The following RICTOR variants were observed in gnomAD, a reference collection of about 807,000 sequenced individuals.
The protein encoded by RICTOR is rapamycin-insensitive companion of mTOR.
RICTOR carries 49 observed loss-of-function variants against 214.9 expected under a neutral mutation model. The observed-to-expected ratio is 0.23, with a 90% CI of 0.18 to 0.29. RICTOR has a LOEUF of 0.29. Ranked by LOEUF, RICTOR falls within the 10% of genes least tolerant of loss-of-function variation. RICTOR has a pLI of 1.00. For synonymous variants in RICTOR, 717 were observed against 711.3 expected (o/e 1.01, Z -0.13); for missense variants, 1,625 against 2,047.0 (o/e 0.79, Z 3.98).
rs924826432 is a variant in RICTOR at position 38,940,737 on chromosome 5, C to A, written c.*1567G>T. 1 of 232,548 alleles carries A rather than the reference C, an allele frequency of 4.3e-6. No individual in the cohort carries two copies. The highest frequency in any genetic ancestry group is 8.5e-6 in the Non-Finnish European group (1 of 117,426). The allele number at this position is 232,548 out of a possible 1,614,324, so 14.4% of individuals were successfully genotyped here. A position where few individuals can be genotyped will look rare whatever the true frequency, so the allele number is the denominator to read the frequency against. The stretch of plus-strand genomic sequence containing the variant: ...TATGAAGTGAGATGAAATGCTTCAT[C>A]CCAACTGGAACTTTCAGTTCCAGTA... On this transcript the variant is annotated 3_prime_UTR_variant, in exon 38 of 38. Coordinates refer to ENST00000357387, the MANE Select transcript of RICTOR (RefSeq NM_152756.5).
intron 5 of RICTOR, among the ~76,000 whole-genome samples, chr5:38,998,815 G>A (rs866615796): frequency 7.2e-5 from 11 of 151,876 alleles, no homozygotes; most frequent in African/African-American, 2.4e-5. Flanking sequence ...AGGAGTTCAA[G>A]ACCAGCCTGG....
chr5:39,015,656 T>C (rs1339730587), intron 3 of RICTOR, among the ~76,000 whole-genome samples: 2 of 151,952 alleles, frequency 1.3e-5, no homozygotes, highest in Non-Finnish European at 2.9e-5. Flanking sequence ...AATGCCAGCA[T>C]TGAAGAACCC....
chr5:39,020,034 A>C (rs1171090057), intron 3 of RICTOR, among the ~76,000 whole-genome samples: 3 of 152,170 alleles, frequency 2.0e-5, no homozygotes, highest in Non-Finnish European at 4.4e-5. Context: ...TGTGGAAGAA[A>C]TAGCAAGAGA....
Position 38,941,033 on chromosome 5 carries a change from T to C in RICTOR, c.*1271A>G. 4.3e-6 allele frequency: 1 copy of C among 232,896 alleles called. No individual in the cohort carries two copies. The highest frequency in any genetic ancestry group is 6.1e-5 in the East Asian group (1 of 16,374). The allele number at this position is 232,896 out of a possible 1,614,324, so 14.4% of individuals were successfully genotyped here. ...AAGATAATCCTTTCATTTACAAGCATTCAAATGATGGCCATGCTATTTTTA... is the reference window on the plus strand; with the variant it reads ...AAGATAATCCTTTCATTTACAAGCACTCAAATGATGGCCATGCTATTTTTA... On this transcript the variant is annotated 3_prime_UTR_variant, in exon 38 of 38. Coordinates refer to ENST00000357387, the MANE Select transcript of RICTOR (RefSeq NM_152756.5).
At chr5:39,063,207 C>T (rs1157001163) in intron 2 of RICTOR, among the ~76,000 whole-genome samples, 1 of 152,106 alleles carries the variant, frequency 6.6e-6, no homozygotes, top group African/African-American at 2.4e-5. Context: ...GGAATGCAGA[C>T]ATTTATAGAC....
Position 38,940,752 on chromosome 5 carries a change from C to G in RICTOR, c.*1552G>C, listed in dbSNP as rs1451102310. 1 of 232,256 alleles carries G rather than the reference C, an allele frequency of 4.3e-6. No homozygotes were observed. The highest frequency in any genetic ancestry group is 5.6e-5 in the Admixed American group (1 of 17,748). 14.4% of individuals were successfully genotyped at this position (232,256 alleles called of 1,614,324 possible). On this transcript the variant is annotated 3_prime_UTR_variant, in exon 38 of 38. Transcript: ENST00000357387. ...AATGCTTCATCCCAACTGGAACTTT[C>G]AGTTCCAGTAAATAAATTTTTTAAA...
chr5:38,944,117 G>A, intron 36 of RICTOR: 1 of 423,452 alleles, frequency 2.4e-6, no homozygotes, highest in Non-Finnish European at 4.5e-6. Context: ...TCCATTACAT[G>A]TTAACATGTA....
In RICTOR at chr5:38,962,946, T is replaced by C; in HGVS notation, c.1496A>G (p.Gln499Arg). The C allele has an allele frequency of 1.9e-6, 3 of 1,612,856 alleles. No individual in the cohort carries two copies. The highest frequency in any genetic ancestry group is 2.5e-6 in the Non-Finnish European group (3 of 1,178,944). The stretch of plus-strand genomic sequence containing the variant: ...TTTCTGGTGTGTTGCAATTGCTTTC[T>C]GAATAATGTGGTCTAAATGAAGACT... Reference protein sequence around the residue: ...PYSLHLDHIIQKAIATHQKRD... With the variant: ...PYSLHLDHIIRKAIATHQKRD... The change falls in exon 17 of 38, where the codon CAG (glutamine) becomes CGG (arginine). Residue 499 changes from glutamine (Q) to arginine (R), a missense_variant. This residue lies in a region of RICTOR where 1,214 missense variants were observed against 1,470.5 expected (regional missense o/e 0.83). Coordinates refer to ENST00000357387, the MANE Select transcript of RICTOR (RefSeq NM_152756.5).
intron 30 of RICTOR, 72 bp from the exon 31 acceptor site, chr5:38,950,792 C>T: frequency 1.5e-6 from 2 of 1,323,348 alleles, no homozygotes; most frequent in Admixed American, 2.7e-5. Flanking sequence ...AGTGACATCA[C>T]ATTTCAGGAA....
chr5:38,987,674 G>GT (rs567368288), intron 7 of RICTOR, among the ~76,000 whole-genome samples: 43 of 151,382 alleles, frequency 2.8e-4, no homozygotes, highest in Non-Finnish European at 5.0e-4. Context: ...GGATTCATTC[G>GT]TTTTTTTTGA....
intron 16 of RICTOR, among the ~76,000 whole-genome samples, chr5:38,964,127 TAAC>T (rs1183643709): frequency 6.6e-6 from 1 of 151,798 alleles, no homozygotes; most frequent in Non-Finnish European, 1.5e-5. Context: ...TTGATCATAA[TAAC>T]AAAATAAAAA....
chr5:38,990,061 G>A (rs1186681569), intron 7 of RICTOR, among the ~76,000 whole-genome samples: 1 of 152,064 alleles, frequency 6.6e-6, no homozygotes, highest in African/African-American at 2.4e-5. Context: ...TTGCAGCACT[G>A]TTCACAATAC....
intron 8 of RICTOR, among the ~76,000 whole-genome samples, chr5:38,979,564 A>G (rs1328531022): frequency 2.0e-5 from 3 of 152,100 alleles, no homozygotes; most frequent in African/African-American, 7.2e-5. Flanking sequence ...CATATTTATT[A>G]ATTTATACAG....
intron 7 of RICTOR, among the ~76,000 whole-genome samples, chr5:38,985,046 C>T (rs552071073): frequency 2.6e-5 from 4 of 152,230 alleles, no homozygotes; most frequent in Admixed American, 6.5e-5. Context: ...CTCTTGACCT[C>T]GTGATCCACC....
intron 31 of RICTOR, among the ~76,000 whole-genome samples, chr5:38,948,579 C>T (rs934532073): frequency 2.6e-5 from 4 of 151,992 alleles, no homozygotes; most frequent in Non-Finnish European, 5.9e-5. Flanking sequence ...AACAACAATA[C>T]AAAAGTTTAC....
intron 3 of RICTOR, among the ~76,000 whole-genome samples, chr5:39,017,274 A>C (rs1026489904): frequency 6.6e-6 from 1 of 152,182 alleles, no homozygotes; most frequent in Admixed American, 6.6e-5. Context: ...TGTTTTTAAC[A>C]GTTAAAACTA....
intron 10 of RICTOR, among the ~76,000 whole-genome samples, chr5:38,974,926 T>C (rs1240152382): frequency 6.6e-6 from 1 of 152,176 alleles, no homozygotes; most frequent in Admixed American, 6.5e-5. Flanking sequence ...TTCACAATAA[T>C]ACTAAATCAA....
At chr5:39,045,565 T>C (rs1757430385) in intron 2 of RICTOR, among the ~76,000 whole-genome samples, 1 of 152,182 alleles carries the variant, frequency 6.6e-6, no homozygotes, top group Non-Finnish European at 1.5e-5. Flanking sequence ...TCAGTTTGTC[T>C]TTGAAACAAT....
chr5:39,049,399 C>A (rs1051664320), intron 2 of RICTOR, among the ~76,000 whole-genome samples: 1 of 152,074 alleles, frequency 6.6e-6, no homozygotes, highest in Admixed American at 6.5e-5. Flanking sequence ...CATAGAGTCA[C>A]ACAGTAAACA....
Sources: gnomAD v4.1 joint callset for allele counts (sites outside exome capture counted in the v4.1 genomes callset) on GRCh38, gnomAD v4.1.1 for gene constraint, gnomAD v4.1.1 regional missense constraint, MANE v1.5 for transcripts, NCBI Gene and HGNC (gene_info 2026-07-23, HGNC 2026-07-21) for gene names.